Variants in ZNRF1 observed in about 807,000 individuals in gnomAD.
ZNRF1 encodes E3 ubiquitin-protein ligase ZNRF1.
A neutral mutation model predicts 18.4 loss-of-function variants in ZNRF1; 3 were observed. The ratio of observed to expected loss-of-function variants is 0.16; its 90% CI spans 0.07 to 0.42. The LOEUF is 0.42. Ranked by LOEUF, ZNRF1 falls within the 10% of genes least tolerant of loss-of-function variation. The pLI is 0.99. For synonymous variants in ZNRF1, 157 were observed against 144.2 expected (o/e 1.09, Z -0.64); for missense variants, 310 against 329.8 (o/e 0.94, Z 0.47).
chr16:75,086,673 C>G (rs13331545), intron 1 of ZNRF1, among the ~76,000 whole-genome samples: 4,489 of 152,226 alleles, frequency 0.029, 195 homozygotes, highest in African/African-American at 0.095. Flanking sequence ...TTATTCAAGT[C>G]CCATTTTATT....
intron 1 of ZNRF1, among the ~76,000 whole-genome samples, chr16:75,063,950 G>C (rs2035771832): frequency 1.3e-5 from 2 of 152,198 alleles, no homozygotes; most frequent in African/African-American, 2.4e-5. Context: ...TCCTGGCTTA[G>C]GATTTTTGTT....
intron 1 of ZNRF1, among the ~76,000 whole-genome samples, chr16:75,032,117 T>G (rs2035313696): frequency 1.3e-5 from 2 of 148,352 alleles, no homozygotes; most frequent in Admixed American, 1.3e-4. Flanking sequence ...TTTTTTTTTT[T>G]TTTTTTTTTT....
rs1383189426 is a variant in ZNRF1 at position 75,107,753 on chromosome 16, A to G, written c.*53A>G. ...CACAGGGACAGAGCGCCCCTGCTCC[A>G]GGGAGGAGGCTCACCGGACCCTGGG... is the stretch of plus-strand genomic sequence containing the variant. On this transcript the variant is annotated 3_prime_UTR_variant, in exon 5 of 5. Coordinates refer to ENST00000335325, the MANE Select transcript of ZNRF1 (RefSeq NM_032268.5). 2 of 456,374 alleles carry G rather than the reference A, an allele frequency of 4.4e-6. No homozygotes were observed. The highest frequency in any genetic ancestry group is 4.7e-5 in the Admixed American group (2 of 42,556). The allele number at this position is 456,374 out of a possible 1,614,324, so 28.3% of individuals were successfully genotyped here. A position where few individuals can be genotyped will look rare whatever the true frequency, so the allele number is the denominator to read the frequency against.
intron 1 of ZNRF1, among the ~76,000 whole-genome samples, chr16:75,039,592 A>C (rs1477777786): frequency 6.6e-6 from 1 of 152,214 alleles, no homozygotes; most frequent in Admixed American, 6.5e-5. Flanking sequence ...CCCCTTTGTT[A>C]GAGATTTGGA....
intron 2 of ZNRF1, among the ~76,000 whole-genome samples, chr16:75,096,680 G>A (rs1286478113): frequency 1.3e-5 from 2 of 151,986 alleles, no homozygotes; most frequent in Non-Finnish European, 1.5e-5. Context: ...CACCAATTGC[G>A]GAAATTTTTA....
chr16:75,024,269 G>A (rs187452060), intron 1 of ZNRF1, among the ~76,000 whole-genome samples: 1 of 152,296 alleles, frequency 6.6e-6, no homozygotes, highest in East Asian at 1.9e-4. Context: ...TTGGCTTAGG[G>A]AATTGAGGCT....
intron 1 of ZNRF1, among the ~76,000 whole-genome samples, chr16:75,035,241 C>A (rs1227159779): frequency 6.6e-6 from 1 of 152,092 alleles, no homozygotes; most frequent in Non-Finnish European, 1.5e-5. Context: ...GCCATGTTGC[C>A]TGGGCTGGTC....
intron 1 of ZNRF1, among the ~76,000 whole-genome samples, chr16:75,003,213 C>A (rs1346316903): frequency 6.6e-6 from 1 of 152,226 alleles, no homozygotes; most frequent in Non-Finnish European, 1.5e-5. Flanking sequence ...CTGCCTGACC[C>A]GGCCTCCCAA....
chr16:75,019,218 T>G (rs1374144364), intron 1 of ZNRF1, among the ~76,000 whole-genome samples: 2 of 147,338 alleles, frequency 1.4e-5, no homozygotes, highest in African/African-American at 5.0e-5. Context: ...CTACTATGGG[T>G]TTTTTTTTTG....
intron 1 of ZNRF1, among the ~76,000 whole-genome samples, chr16:75,068,518 C>T (rs954271958): frequency 3.3e-5 from 5 of 152,142 alleles, no homozygotes; most frequent in Non-Finnish European, 5.9e-5. Flanking sequence ...TCCTTTTTCA[C>T]GGATTGTCTA....
chr16:75,084,800 AT>A (rs2036055127), intron 1 of ZNRF1, among the ~76,000 whole-genome samples: 2 of 152,170 alleles, frequency 1.3e-5, no homozygotes. Context: ...CTGTATCCAA[AT>A]TAGCACACCC....
chr16:75,076,581 A>G (rs1010116514), intron 1 of ZNRF1, among the ~76,000 whole-genome samples: 1 of 149,758 alleles, frequency 6.7e-6, no homozygotes, highest in African/African-American at 2.4e-5. Context: ...TGCTTATCCT[A>G]TTTAAGTGTG....
intron 2 of ZNRF1, among the ~76,000 whole-genome samples, chr16:75,101,598 T>G (rs1278489541): frequency 6.6e-6 from 1 of 151,564 alleles, no homozygotes; most frequent in East Asian, 1.9e-4. Context: ...CCACCTGGAG[T>G]CTGCAGTGTA....
chr16:75,062,219 A>G (rs914897036), intron 1 of ZNRF1, among the ~76,000 whole-genome samples: 3 of 152,220 alleles, frequency 2.0e-5, no homozygotes, highest in Admixed American at 6.5e-5. Flanking sequence ...TCTGCGTTCA[A>G]GAGCATGTCA....
intron 1 of ZNRF1, among the ~76,000 whole-genome samples, chr16:75,012,435 C>G (rs1366060538): frequency 6.6e-6 from 1 of 152,156 alleles, no homozygotes; most frequent in African/African-American, 2.4e-5. Context: ...TCTGTGCCCC[C>G]CTTTTCCATA....
chr16:75,077,048 C>G (rs1567488191), intron 1 of ZNRF1, among the ~76,000 whole-genome samples: 1 of 152,154 alleles, frequency 6.6e-6, no homozygotes, highest in African/African-American at 2.4e-5. Context: ...ACTAAGATAT[C>G]CTGCTTCATA....
chr16:75,085,789 AGT>A (rs922751206), intron 1 of ZNRF1, among the ~76,000 whole-genome samples: 1 of 85,522 alleles, frequency 1.2e-5, no homozygotes, highest in African/African-American at 5.4e-5. Flanking sequence ...GATCCGACAG[AGT>A]GAGAGAGAGA....
intron 1 of ZNRF1, among the ~76,000 whole-genome samples, chr16:75,054,395 C>G (rs2145378812): frequency 1.3e-5 from 2 of 152,356 alleles, no homozygotes; most frequent in South Asian, 2.1e-4. Flanking sequence ...CCCTGGCACC[C>G]TGCCAGTTCT....
At chr16:75,022,096 T>A (rs1314684058) in intron 1 of ZNRF1, among the ~76,000 whole-genome samples, 1 of 152,154 alleles carries the variant, frequency 6.6e-6, no homozygotes, top group Non-Finnish European at 1.5e-5. Context: ...GCTCTGTTGC[T>A]CACGCTGGAG....
Sources: allele counts gnomAD v4.1 joint callset (sites outside exome capture counted in the v4.1 genomes callset), GRCh38; gene constraint gnomAD v4.1.1; transcripts MANE v1.5; gene names NCBI Gene and HGNC (gene_info 2026-07-23, HGNC 2026-07-21).